PHACTR1: variants seen among roughly 807,000 people sequenced by gnomAD.
PHACTR1 encodes the protein phosphatase and actin regulator 1, also known as RPEL repeat containing 1.
PHACTR1 carries 16 observed loss-of-function variants against 69.2 expected under a neutral mutation model. The observed-to-expected ratio is 0.23, with a 90% CI of 0.16 to 0.35. The LOEUF (loss-of-function observed/expected upper bound fraction) is 0.35, where lower values mean the gene tolerates loss of function less well. Among genes scored for constraint, PHACTR1 ranks in the 10% least tolerant of loss-of-function variants. PHACTR1 has a pLI of 1.00. For missense variants in PHACTR1, 510 were observed against 734.7 expected (o/e 0.69, Z 3.54); for synonymous variants, 312 against 284.5 (o/e 1.10, Z -0.97).
chr6:13,242,968 T>G (rs1387075243), intron 10 of PHACTR1, among the ~76,000 whole-genome samples: 1 of 152,242 alleles, frequency 6.6e-6, no homozygotes, highest in African/African-American at 2.4e-5. Flanking sequence ...AGTCAAAGTA[T>G]GCTTACTGTT....
At chr6:12,986,127 C>T (rs183615962) in intron 4 of PHACTR1, among the ~76,000 whole-genome samples, 7 of 152,240 alleles carry the variant, frequency 4.6e-5, no homozygotes, top group Non-Finnish European at 1.5e-5. Flanking sequence ...TGAGCCACCG[C>T]GCCTGGGCTA....
chr6:12,933,615 T>C (rs757191379), intron 4 of PHACTR1: 7 of 1,611,900 alleles, frequency 4.3e-6, no homozygotes, highest in Non-Finnish European at 5.9e-6. Flanking sequence ...AATGTCTTCA[T>C]GTTTCCACAA....
At chr6:13,231,069 A>AG (rs1770883490) in intron 10 of PHACTR1, among the ~76,000 whole-genome samples, 1 of 1,530 alleles carries the variant, frequency 6.5e-4, no homozygotes, top group South Asian at 0.033. Flanking sequence ...GGAAGGAAGG[A>AG]AGGAAGGAAG....
At chr6:13,046,485 G>A (rs1374255177) in intron 4 of PHACTR1, among the ~76,000 whole-genome samples, 1 of 152,156 alleles carries the variant, frequency 6.6e-6, no homozygotes, top group African/African-American at 2.4e-5. Context: ...AGAAGAGCCT[G>A]AAAGAAGGAA....
At chr6:12,980,791 G>A (rs1476934554) in intron 4 of PHACTR1, among the ~76,000 whole-genome samples, 1 of 152,194 alleles carries the variant, frequency 6.6e-6, no homozygotes, top group East Asian at 1.9e-4. Context: ...TATCCTTGCT[G>A]TTATTTATAT....
chr6:12,762,938 G>T (rs2127613654), intron 4 of PHACTR1, among the ~76,000 whole-genome samples: 1 of 152,306 alleles, frequency 6.6e-6, no homozygotes, highest in South Asian at 2.1e-4. Context: ...GTCAGGCTGG[G>T]TGCGATGACT....
At chr6:12,974,354 T>G (rs1794611203) in intron 4 of PHACTR1, among the ~76,000 whole-genome samples, 1 of 152,222 alleles carries the variant, frequency 6.6e-6, no homozygotes, top group South Asian at 2.1e-4. Flanking sequence ...TAATCTTTTG[T>G]TCTCTTCTTA....
intron 4 of PHACTR1, among the ~76,000 whole-genome samples, chr6:12,916,886 C>G (rs1787073230): frequency 6.6e-6 from 1 of 152,132 alleles, no homozygotes; most frequent in Admixed American, 6.5e-5. Flanking sequence ...TGGGCCCGGG[C>G]TCTTGAGTAG....
chr6:12,757,851 C>G (rs1554134124), intron 4 of PHACTR1, among the ~76,000 whole-genome samples: 1 of 152,104 alleles, frequency 6.6e-6, no homozygotes, highest in South Asian at 2.1e-4. Context: ...GTGGCTTACA[C>G]CTCTAATTCT....
chr6:13,059,482 AC>A (rs1333515776), intron 5 of PHACTR1, among the ~76,000 whole-genome samples: 1 of 151,770 alleles, frequency 6.6e-6, no homozygotes, highest in Non-Finnish European at 1.5e-5. Context: ...ACACACACAC[AC>A]ACACACACAC....
chr6:13,232,204 G>A (rs1771326851), intron 10 of PHACTR1, among the ~76,000 whole-genome samples: 3 of 152,212 alleles, frequency 2.0e-5, no homozygotes, highest in Admixed American at 1.3e-4. Flanking sequence ...CCTTTGCATT[G>A]TACAAGTGAG....
intron 4 of PHACTR1, among the ~76,000 whole-genome samples, chr6:12,787,479 G>C (rs920790914): frequency 6.6e-6 from 1 of 152,204 alleles, no homozygotes; most frequent in African/African-American, 2.4e-5. Context: ...GATTGGAAAA[G>C]TTCTGATGTG....
rs1561923986 is a variant in PHACTR1, at chr6:12,830,133, G to GAAAGAAAGAAAGAAAGAAAGAAAGA, written c.250+80344_250+80368dup. Among the ~76,000 whole-genome samples, 145 of 143,450 alleles carry GAAAGAAAGAAAGAAAGAAAGAAAGA rather than the reference G, an allele frequency of 1.0e-3. 1 individual carries two copies. Among genetic ancestry groups the GAAAGAAAGAAAGAAAGAAAGAAAGA allele is most frequent in the African/African-American group, 2.5e-3 (99 of 39,622 alleles). 94.1% of individuals were successfully genotyped at this position (143,450 alleles called of 152,430 possible). ...AGAAAGAAAGAAAGAAAGAAAGAAA[G>GAAAGAAAGAAAGAAAGAAAGAAAGA]AAAGAAAGAAAGAAAGAAAGAAAGA... is the stretch of plus-strand genomic sequence containing the variant. On this transcript the variant is annotated intron_variant, in intron 4 of 14. Coordinates refer to ENST00000332995, the MANE Select transcript of PHACTR1 (RefSeq NM_030948.6).
intron 5 of PHACTR1, among the ~76,000 whole-genome samples, chr6:13,110,306 T>C (rs1322904229): frequency 6.6e-6 from 1 of 152,172 alleles, no homozygotes; most frequent in African/African-American, 2.4e-5. Context: ...GCTTTTAAGT[T>C]TGTTTCGGAT....
At chr6:13,131,533 A>G (rs1344846566) in intron 5 of PHACTR1, among the ~76,000 whole-genome samples, 4 of 152,176 alleles carry the variant, frequency 2.6e-5, no homozygotes, top group African/African-American at 9.7e-5. Context: ...CAAAATCTCA[A>G]TAATTATCAC....
intron 10 of PHACTR1, among the ~76,000 whole-genome samples, chr6:13,250,754 A>G (rs1774274772): frequency 6.6e-6 from 1 of 152,240 alleles, no homozygotes; most frequent in Non-Finnish European, 1.5e-5. Flanking sequence ...AGGGTCGCCA[A>G]CGAGTAAGAG....
At chr6:13,005,780 T>C (rs1215805904) in intron 4 of PHACTR1, among the ~76,000 whole-genome samples, 1 of 152,200 alleles carries the variant, frequency 6.6e-6, no homozygotes, top group Non-Finnish European at 1.5e-5. Flanking sequence ...AAATCAATTG[T>C]ATGTCCCACT....
chr6:13,103,182 G>A (rs562260564), intron 5 of PHACTR1, among the ~76,000 whole-genome samples: 21 of 152,308 alleles, frequency 1.4e-4, no homozygotes, highest in South Asian at 6.2e-4. Context: ...GGGAAAAAAT[G>A]CCATGCTGTT....
intron 5 of PHACTR1, among the ~76,000 whole-genome samples, chr6:13,117,861 G>A (rs756823936): frequency 3.0e-4 from 45 of 152,136 alleles, no homozygotes; most frequent in Non-Finnish European, 4.9e-4. Context: ...ACCTAACGCA[G>A]AGCTCTGCAG....
Sources: allele counts gnomAD v4.1 joint callset (sites outside exome capture counted in the v4.1 genomes callset), GRCh38; gene constraint gnomAD v4.1.1; transcripts MANE v1.5; gene names NCBI Gene and HGNC (gene_info 2026-07-23, HGNC 2026-07-21).